PTPN12: variants seen among roughly 807,000 people sequenced by gnomAD.
PTPN12 encodes the protein protein tyrosine phosphatase non-receptor type 12.
Under a neutral mutation model 97.6 loss-of-function variants are expected in PTPN12, and 29 were observed. That is an observed-to-expected ratio of 0.30 (90% CI 0.22 to 0.41). PTPN12 has a LOEUF of 0.41. Among genes scored for constraint, PTPN12 ranks in the 10% least tolerant of loss-of-function variants. PTPN12 has a pLI of 1.00. For synonymous variants in PTPN12, 327 were observed against 300.4 expected (o/e 1.09, Z -0.91); for missense variants, 819 against 926.0 (o/e 0.88, Z 1.50).
At chr7:77,632,519 A>T in intron 14 of PTPN12, 94 bp downstream of exon 14, 1 of 898,882 alleles carries the variant, frequency 1.1e-6, no homozygotes, top group Non-Finnish European at 1.8e-6. Flanking sequence ...ATTGTGCTAC[A>T]TAATTAAATT....
intron 13 of PTPN12, among the ~76,000 whole-genome samples, chr7:77,631,234 T>C (rs1789386383): frequency 6.6e-6 from 1 of 152,122 alleles, no homozygotes; most frequent in African/African-American, 2.4e-5. Flanking sequence ...TCTTGGTAGA[T>C]GTATCAAGTA....
At chr7:77,554,371 ATTACT>A (rs1440794719) in intron 1 of PTPN12, among the ~76,000 whole-genome samples, 1 of 152,186 alleles carries the variant, frequency 6.6e-6, no homozygotes, top group Non-Finnish European at 1.5e-5. Flanking sequence ...GGATGGTGAG[ATTACT>A]TTATAATGAC....
chr7:77,569,113 T>C (rs939714811), intron 1 of PTPN12, among the ~76,000 whole-genome samples: 52 of 152,168 alleles, frequency 3.4e-4, no homozygotes, highest in African/African-American at 1.2e-3. Context: ...TAATGTCTCA[T>C]TCTCATCCGT....
intron 2 of PTPN12, among the ~76,000 whole-genome samples, chr7:77,574,042 G>A (rs1441612701): frequency 6.6e-6 from 1 of 152,204 alleles, no homozygotes; most frequent in East Asian, 1.9e-4. Flanking sequence ...GAAAGCTTCT[G>A]AGGGTGTACT....
intron 14 of PTPN12, among the ~76,000 whole-genome samples, chr7:77,635,367 T>A (rs1296468723): frequency 6.6e-6 from 1 of 152,128 alleles, no homozygotes; most frequent in East Asian, 1.9e-4. Context: ...AGGTTGAGGC[T>A]CCAGTGAGCC....
intron 13 of PTPN12, among the ~76,000 whole-genome samples, chr7:77,631,348 C>G (rs578070776): frequency 6.6e-6 from 1 of 152,106 alleles, no homozygotes; most frequent in African/African-American, 2.4e-5. Context: ...TCACCTCATG[C>G]GTGTTGAAAA....
rs1040880044 is a variant in PTPN12 at position 77,627,030 on chromosome 7, G to C, written c.1351G>C (p.Asp451His). ...VPLQEGPKSF[D>H]GNTLLNRGHA... ...TCTCCAAGAGGGACCAAAAAGTTTT[G>C]ATGGGAACACACTTTTGAATAGGGG... The change falls in exon 13 of 18, where the codon GAT becomes CAT. Residue 451 changes from aspartate to histidine, a missense_variant. Transcript: ENST00000248594. The C allele has an allele frequency of 1.9e-6, 3 of 1,609,410 alleles. No individual in the cohort carries two copies. The African/African-American group carries it at 4.0e-5, about 22-fold the overall frequency.
intron 7 of PTPN12, 62 bp downstream of exon 7, chr7:77,597,963 C>G: frequency 6.3e-7 from 1 of 1,580,648 alleles, no homozygotes; most frequent in Non-Finnish European, 8.6e-7. Context: ...TGCAGTGGCT[C>G]ATGCCTGTAA....
intron 1 of PTPN12, among the ~76,000 whole-genome samples, chr7:77,547,983 G>T (rs1419123642): frequency 1.3e-5 from 2 of 152,198 alleles, no homozygotes; most frequent in Non-Finnish European, 2.9e-5. Flanking sequence ...TGAGTGTTTT[G>T]ATGAGGAGTG....
intron 1 of PTPN12, among the ~76,000 whole-genome samples, chr7:77,551,732 G>C (rs1390836214): frequency 6.6e-6 from 1 of 152,110 alleles, no homozygotes; most frequent in Non-Finnish European, 1.5e-5. Context: ...TTTTGTTCTT[G>C]CTTCAGTTTT....
Position 77,555,331 on chromosome 7 carries a change from A to AAT in PTPN12, c.100-15746_100-15745dup, listed in dbSNP as rs1442973101. ...GATCTGTGGTTTGGTTTCTGACATT[A>AAT]ATTTGGGGAAATTTTCAATCATTAT... On this transcript the variant is annotated intron_variant, in intron 1 of 17. Coordinates refer to ENST00000248594, the MANE Select transcript of PTPN12 (RefSeq NM_002835.4). Among the ~76,000 whole-genome samples the AAT allele has an allele frequency of 1.1e-4, 16 of 151,180 alleles. No homozygotes were observed. The South Asian group carries it at 1.7e-3, about 16-fold the overall frequency.
intron 14 of PTPN12, among the ~76,000 whole-genome samples, 166 bp from the exon 15 acceptor site, chr7:77,635,615 AT>A (rs57476200): frequency 0.046 from 6,808 of 147,794 alleles, 302 homozygotes; most frequent in African/African-American, 0.12. Context: ...AGAAACTACA[AT>A]TTTTTTTTTT....
chr7:77,558,788 C>T (rs1056415500), intron 1 of PTPN12, among the ~76,000 whole-genome samples: 2 of 152,056 alleles, frequency 1.3e-5, no homozygotes, highest in African/African-American at 2.4e-5. Context: ...TTTGGGAGGC[C>T]GAGGCAGGAG....
intron 1 of PTPN12, among the ~76,000 whole-genome samples, chr7:77,548,775 A>G (rs887703465): frequency 3.3e-5 from 5 of 152,206 alleles, no homozygotes; most frequent in African/African-American, 7.2e-5. Context: ...ATTTATTGCA[A>G]TGGAATACTG....
intron 1 of PTPN12, among the ~76,000 whole-genome samples, chr7:77,547,517 T>C (rs895160730): frequency 2.0e-5 from 3 of 152,220 alleles, no homozygotes; most frequent in Non-Finnish European, 4.4e-5. Context: ...TTAATTTCTA[T>C]CCTGGCCCTG....
chr7:77,568,433 G>A (rs1372066073), intron 1 of PTPN12, among the ~76,000 whole-genome samples: 2 of 152,128 alleles, frequency 1.3e-5, no homozygotes, highest in African/African-American at 4.8e-5. Context: ...CCAGGAGTTC[G>A]AGACCAGCCT....
intron 16 of PTPN12, among the ~76,000 whole-genome samples, chr7:77,637,761 G>A (rs1217918287): frequency 1.3e-5 from 2 of 149,318 alleles, no homozygotes; most frequent in Non-Finnish European, 3.0e-5. Flanking sequence ...GGAGACTGAG[G>A]CAGGAGAATC....
Position 77,585,463 on chromosome 7 carries a change from TGAAA to T in PTPN12, c.382-79_382-76del. ...ATTATACTTCTCGGTGCAAAATTCT[TGAAA>T]TCTGTATTTTATTAAAAAGTAAAAT... is the stretch of plus-strand genomic sequence containing the variant. On this transcript the variant is annotated intron_variant, in intron 4 of 17. Coordinates refer to ENST00000248594, the MANE Select transcript of PTPN12 (RefSeq NM_002835.4). 2.3e-6 allele frequency: 3 copies of T among 1,287,900 alleles called. No individual in the cohort carries two copies. The South Asian group carries it at 3.8e-5, about 16-fold the overall frequency. 79.8% of individuals were successfully genotyped at this position (1,287,900 alleles called of 1,614,324 possible).
At chr7:77,606,049 G>A (rs1051844298) in intron 8 of PTPN12, among the ~76,000 whole-genome samples, 5 of 136,084 alleles carry the variant, frequency 3.7e-5, no homozygotes, top group Admixed American at 8.4e-5. Flanking sequence ...CCACTTCCCC[G>A]GTTCAAGTGA....
Sources: allele counts gnomAD v4.1 joint callset (sites outside exome capture counted in the v4.1 genomes callset), GRCh38; gene constraint gnomAD v4.1.1; transcripts MANE v1.5; gene names NCBI Gene and HGNC (gene_info 2026-07-23, HGNC 2026-07-21).